Variants in ADGRG1 observed in about 807,000 individuals in gnomAD.
The protein encoded by ADGRG1 is adhesion G protein-coupled receptor G1.
ADGRG1 carries 53 observed loss-of-function variants against 73.5 expected under a neutral mutation model. The observed-to-expected ratio is 0.72, with a 90% CI of 0.58 to 0.91. The LOEUF is 0.91. Ranked by LOEUF, ADGRG1 falls within the 40% of genes least tolerant of loss-of-function variation. The pLI is 0.00. For synonymous variants in ADGRG1, 394 were observed against 374.4 expected (o/e 1.05, Z -0.60); for missense variants, 795 against 871.8 (o/e 0.91, Z 1.11).
At chr16:57,627,669 C>G (rs1423590742), upstream of ADGRG1, 1 of 398,322 alleles carries the variant, frequency 2.5e-6, no homozygotes. Flanking sequence ...CACCACTCAC[C>G]CTTCTGGCAT....
rs150069309 is a variant in ADGRG1, at chr16:57,629,925, C to T, written c.-36+1123C>T. On this transcript the variant is annotated intron_variant, in intron 1 of 13. Transcript: ENST00000562631. Reference sequence around the variant, plus strand: ...GAGAGGTCTGATGTTCATTTTACTGCGTAGGGAGGAGGGGATGGGTCAAGG... The same window carrying T: ...GAGAGGTCTGATGTTCATTTTACTGTGTAGGGAGGAGGGGATGGGTCAAGG... The T allele has an allele frequency of 3.5e-5, 27 of 763,604 alleles. No homozygotes were observed. The East Asian group carries it at 3.9e-4, about 11-fold the overall frequency. 47.3% of individuals were successfully genotyped at this position (763,604 alleles called of 1,614,324 possible). A position where few individuals can be genotyped will look rare whatever the true frequency, so the allele number is the denominator to read the frequency against.
intron 1 of ADGRG1, chr16:57,640,708 C>T (rs1456969791): frequency 5.6e-6 from 1 of 178,696 alleles, no homozygotes; most frequent in Non-Finnish European, 1.1e-5. Context: ...GAACTTTGTT[C>T]TTCTCAGCCT....
intron 1 of ADGRG1, chr16:57,636,692 G>T: frequency 5.1e-6 from 5 of 985,162 alleles, no homozygotes; most frequent in Non-Finnish European, 4.8e-6. Context: ...GCCTGCCCTG[G>T]GTTAGAGTCC....
At chr16:57,652,807 A>C in intron 3 of ADGRG1, 1 of 1,090,374 alleles carries the variant, frequency 9.2e-7, no homozygotes, top group African/African-American at 1.7e-5. Context: ...ACCTGGGCAG[A>C]GGGGCCCGAG....
chr16:57,645,094 A>G, intron 1 of ADGRG1: 1 of 985,298 alleles, frequency 1.0e-6, no homozygotes, highest in Non-Finnish European at 1.2e-6. Flanking sequence ...TGTAACTCGC[A>G]GGAGTTCATC....
At chr16:57,658,456 C>T (rs535245429) in intron 10 of ADGRG1, among the ~76,000 whole-genome samples, 91 of 152,310 alleles carry the variant, frequency 6.0e-4, no homozygotes, top group Non-Finnish European at 1.1e-3. Flanking sequence ...GAGGCACCCT[C>T]GGTTCTCACT....
intron 1 of ADGRG1, chr16:57,648,819 C>A: frequency 2.0e-6 from 1 of 501,720 alleles, no homozygotes; most frequent in Non-Finnish European, 2.6e-6. Context: ...GCCAAGCCTT[C>A]TGGCAAGTCT....
intron 1 of ADGRG1, chr16:57,629,082 GTGTA>G (rs2036975393): frequency 1.2e-5 from 8 of 682,034 alleles, no homozygotes; most frequent in Non-Finnish European, 1.3e-5. Flanking sequence ...GAGTGTGGGA[GTGTA>G]TGTGAGTGTA....
intron 5 of ADGRG1, chr16:57,655,004 G>T: frequency 1.0e-6 from 1 of 966,244 alleles, no homozygotes; most frequent in Non-Finnish European, 1.2e-6. Context: ...ACAGGCGTGA[G>T]CCACTGCACC....
intron 1 of ADGRG1, chr16:57,630,368 C>A: frequency 2.0e-6 from 2 of 985,414 alleles, no homozygotes; most frequent in Non-Finnish European, 2.4e-6. Flanking sequence ...CAGACCTGAC[C>A]CCTTCTTTGC....
At position 57,660,925 on chromosome 16, in the gene ADGRG1, G is replaced by A. The variant is rs368169475; in HGVS notation, c.1664+49G>A. The stretch of plus-strand genomic sequence containing the variant: ...GCAAGAAGGTGGGTCTCTGGGCACA[G>A]AGGCCAGAGTGCAGCCCGGGCCCAG... On this transcript the variant is annotated intron_variant, in intron 12 of 13. Transcript: ENST00000562631. 20 of 1,136,260 alleles carry A rather than the reference G, an allele frequency of 1.8e-5. No homozygotes were observed. In the Admixed American group the frequency reaches 2.5e-4, roughly 14 times the overall value. The allele number at this position is 1,136,260 out of a possible 1,614,324, so 70.4% of individuals were successfully genotyped here. A position where few individuals can be genotyped will look rare whatever the true frequency, so the allele number is the denominator to read the frequency against.
Position 57,655,428 on chromosome 16 carries a change from G to C in ADGRG1, c.798G>C (p.Ser266=), listed in dbSNP as rs1040451924. ...AGCAGAGCGAGATCATGGAGTACTC[G>C]GTGCTGCTGCCTCGAACACTCTTCC... The part of the protein sequence containing the change: ...EEEQSEIMEY[S]VLLPRTLFQR... Residue 266 remains serine (S), a synonymous_variant, in exon 6 of 14, where the codon TCG becomes TCC. Transcript: ENST00000562631. 6.2e-7 allele frequency: 1 copy of C among 1,613,654 alleles called. No individual in the cohort carries two copies. Among genetic ancestry groups the C allele is most frequent in the Non-Finnish European group, 8.5e-7 (1 of 1,179,998 alleles).
intron 1 of ADGRG1, chr16:57,643,993 A>C (rs1459170108): frequency 2.5e-5 from 25 of 984,930 alleles, no homozygotes; most frequent in Middle Eastern, 1.0e-3. Flanking sequence ...ATTTCCAAGT[A>C]AGATTTACTT....
upstream of ADGRG1, chr16:57,622,960 T>C (rs2035153336): frequency 1.2e-5 from 12 of 985,322 alleles, no homozygotes; most frequent in African/African-American, 1.7e-5. Flanking sequence ...GGAGAACGTC[T>C]GTCTGCATCT....
At chr16:57,647,524 C>A in intron 1 of ADGRG1, 2 of 763,266 alleles carry the variant, frequency 2.6e-6, no homozygotes, top group Non-Finnish European at 1.6e-6. Context: ...CTCACAATGA[C>A]CTTTGAGTGA....
intron 1 of ADGRG1, chr16:57,630,670 A>G (rs538034702): frequency 4.2e-4 from 141 of 336,816 alleles, no homozygotes; most frequent in South Asian, 2.4e-3. Flanking sequence ...CAAACAAACA[A>G]CAGTTAGGAG....
intron 1 of ADGRG1, chr16:57,645,055 A>G: frequency 2.0e-6 from 2 of 984,428 alleles, no homozygotes; most frequent in Non-Finnish European, 1.2e-6. Context: ...ACACACACTC[A>G]TGCACACGCA....
At chr16:57,624,626 G>T (rs1332730299), upstream of ADGRG1, 3 of 515,578 alleles carry the variant, frequency 5.8e-6, no homozygotes, top group Admixed American at 6.4e-5. Context: ...TGGCCAGAGG[G>T]TTAGAGATAG....
chr16:57,663,837 G>A lies in ADGRG1; in HGVS notation c.*255G>A, dbSNP rs867885833. Reference sequence around the variant, plus strand: ...GCGCCGCCATGCTGCCTAGGGTACTGTCCCCACATCTGTCCCAACCCAGCT... The same window carrying A: ...GCGCCGCCATGCTGCCTAGGGTACTATCCCCACATCTGTCCCAACCCAGCT... On this transcript the variant is annotated 3_prime_UTR_variant, in exon 14 of 14. Coordinates refer to ENST00000562631, the MANE Select transcript of ADGRG1 (RefSeq NM_201525.4). 2 of 564,828 alleles carry A rather than the reference G, an allele frequency of 3.5e-6. No homozygotes were observed. The highest frequency in any genetic ancestry group is 4.7e-4 in the Middle Eastern group (1 of 2,126). The allele number at this position is 564,828 out of a possible 1,614,324, so 35.0% of individuals were successfully genotyped here.
Sources: gnomAD v4.1 joint callset for allele counts (sites outside exome capture counted in the v4.1 genomes callset) on GRCh38, gnomAD v4.1.1 for gene constraint, MANE v1.5 for transcripts, NCBI Gene and HGNC (gene_info 2026-07-23, HGNC 2026-07-21) for gene names.